The following BRK1 variants were observed in gnomAD, a reference collection of about 807,000 sequenced individuals.
BRK1 encodes the protein BRICK1 subunit of SCAR/WAVE actin nucleating complex.
Under a neutral mutation model 9.9 loss-of-function variants are expected in BRK1, and 6 were observed. The ratio of observed to expected loss-of-function variants is 0.60; its 90% CI spans 0.33 to 1.19. BRK1 has a LOEUF of 1.19. Among genes scored for constraint, BRK1 ranks in the 50% most tolerant of loss-of-function variants. BRK1 has a pLI of 0.04. For synonymous variants in BRK1, 44 were observed against 31.9 expected, an observed-to-expected ratio of 1.38 and a Z score of -1.28; for missense variants, 62 against 97.5, an observed-to-expected ratio of 0.64 and a Z score of 1.53.
chr3:10,116,059 T>C (rs547116962), intron 1 of BRK1, among the ~76,000 whole-genome samples: 22 of 152,236 alleles, frequency 1.4e-4, no homozygotes, highest in African/African-American at 5.3e-4. Context: ...TCTGGATCCA[T>C]TCTACAAGTC....
intron 1 of BRK1, among the ~76,000 whole-genome samples, chr3:10,118,529 C>G (rs1475653694): frequency 2.0e-5 from 3 of 151,928 alleles, no homozygotes; most frequent in African/African-American, 7.3e-5. Context: ...ATTCTGTCAC[C>G]TAGGCTGAAG....
intron 1 of BRK1, among the ~76,000 whole-genome samples, chr3:10,120,069 G>A (rs911405890): frequency 5.3e-5 from 8 of 151,692 alleles, no homozygotes; most frequent in South Asian, 2.1e-4. Context: ...TCATTCTGTC[G>A]CCCAGGCTGG....
chr3:10,125,011 A>C (rs75360019), intron 1 of BRK1, among the ~76,000 whole-genome samples: 6,094 of 152,246 alleles, frequency 0.04, 121 homozygotes, highest in South Asian at 0.064. Context: ...AATCCAAGAC[A>C]AACTCTAGGA....
chr3:10,124,037 G>A (rs994421068), intron 1 of BRK1, among the ~76,000 whole-genome samples: 2 of 151,758 alleles, frequency 1.3e-5, no homozygotes, highest in Non-Finnish European at 2.9e-5. Flanking sequence ...GCCCAGCCTC[G>A]TTTCTTTCCT....
intron 1 of BRK1, among the ~76,000 whole-genome samples, chr3:10,118,252 CAAA>C (rs59622736): frequency 1.0e-4 from 7 of 67,460 alleles, no homozygotes; most frequent in Non-Finnish European, 9.3e-5. Flanking sequence ...ACTCTGTCTC[CAAA>C]AAAAAAAAAA....
rs778280986 is a variant in BRK1 at position 10,126,425 on chromosome 3, A to G, written c.*130A>G. The stretch of plus-strand genomic sequence containing the variant: ...GGCTTATTCTTGTTTTTCTTTTTTC[A>G]AAAGTGTGGCCTTTGGGCTCTGCCA... On this transcript the variant is annotated 3_prime_UTR_variant, in exon 3 of 3. Coordinates refer to ENST00000530758, the MANE Select transcript of BRK1 (RefSeq NM_018462.5). 3.4e-6 allele frequency: 3 copies of G among 874,278 alleles called. No homozygotes were observed. In the South Asian group the frequency reaches 4.9e-5, roughly 14 times the overall value. The allele number at this position is 874,278 out of a possible 1,614,324, so 54.2% of individuals were successfully genotyped here.
chr3:10,123,099 A>G lies in BRK1; in HGVS notation c.119-2527A>G, dbSNP rs6783705. On this transcript the variant is annotated intron_variant, in intron 1 of 2. Coordinates refer to ENST00000530758, the MANE Select transcript of BRK1 (RefSeq NM_018462.5). ...GAGAGTAGAAGATAATGACCATGCT[A>G]AGATACCTTTTCTCTCATATGTTGA... Among the ~76,000 whole-genome samples the G allele has an allele frequency of 0.16, 24,898 of 152,252 alleles. 2,579 individuals carry two copies. Among genetic ancestry groups the G allele is most frequent in the African/African-American group, 0.29 (12,090 of 41,536 alleles).
chr3:10,126,222 AATCTTTTTTAATTT>A (rs756849074), intron 2 of BRK1, 33 bp from the exon 3 acceptor site: 1 of 1,418,758 alleles, frequency 7.0e-7, no homozygotes, highest in Non-Finnish European at 9.4e-7. Context: ...AGACCCCTCT[AATCTTTTTTAATTT>A]ATCTAAATGT....
At position 10,126,996 on chromosome 3, in the gene BRK1, T is replaced by G. The variant is rs1695850356; in HGVS notation, c.*701T>G. The stretch of plus-strand genomic sequence containing the variant: ...TTGCACAGAAATGTAATACATGGCG[T>G]TATTATTCTAACATAAAACTTTCAG... On this transcript the variant is annotated 3_prime_UTR_variant, in exon 3 of 3. Coordinates refer to ENST00000530758, the MANE Select transcript of BRK1 (RefSeq NM_018462.5). The G allele has an allele frequency of 6.6e-6, 1 of 152,586 alleles. No individual in the cohort carries two copies. The highest frequency in any genetic ancestry group is 2.4e-5 in the African/African-American group (1 of 41,438). The allele number at this position is 152,586 out of a possible 1,614,324, so 9.5% of individuals were successfully genotyped here. A position where few individuals can be genotyped will look rare whatever the true frequency, so the allele number is the denominator to read the frequency against.
chr3:10,123,722 C>T (rs1248861837), intron 1 of BRK1, among the ~76,000 whole-genome samples: 3 of 119,004 alleles, frequency 2.5e-5, no homozygotes, highest in South Asian at 2.7e-4. Flanking sequence ...CCTGAGCCAC[C>T]GTGCCTGGCC....
Position 10,125,605 on chromosome 3 carries a change from ACAC to A in BRK1, c.119-18_119-16del, listed in dbSNP as rs1559420508. On this transcript the variant is annotated intron_variant, in intron 1 of 2. Coordinates refer to ENST00000530758, the MANE Select transcript of BRK1 (RefSeq NM_018462.5). The stretch of plus-strand genomic sequence containing the variant: ...GTGTTTGGAGTGACATTAATCCTGA[ACAC>A]CAGTCTCTTTTTCTCAGATATGTCT... The A allele has an allele frequency of 6.5e-7, 1 of 1,538,120 alleles. No individual in the cohort carries two copies. The highest frequency in any genetic ancestry group is 2.3e-5 in the East Asian group (1 of 44,246).
At chr3:10,121,895 T>TC (rs1695761177) in intron 1 of BRK1, among the ~76,000 whole-genome samples, 2 of 144,336 alleles carry the variant, frequency 1.4e-5, no homozygotes, top group African/African-American at 5.1e-5. Flanking sequence ...TTTTTTTTTT[T>TC]TTTTTTTTTT....
chr3:10,119,708 C>T (rs528500024), intron 1 of BRK1, among the ~76,000 whole-genome samples: 1 of 152,252 alleles, frequency 6.6e-6, no homozygotes, highest in South Asian at 2.1e-4. Flanking sequence ...TATCATAACA[C>T]TAGGCCTATT....
In BRK1 at chr3:10,115,684, C is replaced by T. The variant is rs7645759; in HGVS notation, c.-18C>T. 206,470 of 1,605,720 alleles carry T rather than the reference C, an allele frequency of 0.13. 14,978 individuals are homozygous for T. The highest frequency in any genetic ancestry group is 0.3 in the African/African-American group (22,145 of 74,830). ...GGGTCGGGGCGCCTGCGCAGTCGCT[C>T]TTCCTCAGGCGGCGGCCATGGCGGG... On this transcript the variant is annotated 5_prime_UTR_variant, in exon 1 of 3. Coordinates refer to ENST00000530758, the MANE Select transcript of BRK1 (RefSeq NM_018462.5).
intron 1 of BRK1, among the ~76,000 whole-genome samples, chr3:10,118,177 G>A (rs778392210): frequency 7.9e-5 from 12 of 151,528 alleles, no homozygotes; most frequent in Non-Finnish European, 1.3e-4. Flanking sequence ...TGCTTGAACC[G>A]GGGAGGCAGA....
At chr3:10,120,089 G>A (rs1695736648) in intron 1 of BRK1, among the ~76,000 whole-genome samples, 1 of 152,094 alleles carries the variant, frequency 6.6e-6, no homozygotes, top group Non-Finnish European at 1.5e-5. Context: ...GAGTGCAGTG[G>A]TGCAATCTCG....
intron 1 of BRK1, among the ~76,000 whole-genome samples, chr3:10,116,934 A>G (rs1023545255): frequency 6.6e-6 from 1 of 152,224 alleles, no homozygotes; most frequent in African/African-American, 2.4e-5. Flanking sequence ...AAGTATTTTC[A>G]TACAGGGTGT....
intron 1 of BRK1, among the ~76,000 whole-genome samples, chr3:10,123,858 C>G (rs1445782915): frequency 6.7e-6 from 1 of 149,926 alleles, no homozygotes; most frequent in Non-Finnish European, 1.5e-5. Context: ...GCCTCAGCCT[C>G]CCGAGTAGCT....
At chr3:10,118,379 G>A (rs776994410) in intron 1 of BRK1, among the ~76,000 whole-genome samples, 6 of 152,064 alleles carry the variant, frequency 3.9e-5, no homozygotes, top group Non-Finnish European at 7.4e-5. Flanking sequence ...GGTATTGAAT[G>A]AGTCAGGATG....
Sources: allele counts gnomAD v4.1 joint callset (sites outside exome capture counted in the v4.1 genomes callset), GRCh38; gene constraint gnomAD v4.1.1; transcripts MANE v1.5; gene names NCBI Gene and HGNC (gene_info 2026-07-23, HGNC 2026-07-21).